Variants in CCDC191 observed in about 807,000 individuals in gnomAD.
CCDC191 encodes the protein coiled-coil domain containing 191, also known as coiled-coil domain-containing protein 191.
Under a neutral mutation model 114.0 loss-of-function variants are expected in CCDC191, and 99 were observed. The observed-to-expected ratio is 0.87, with a 90% CI of 0.74 to 1.03. CCDC191 has a LOEUF of 1.03. CCDC191 is among the 50% of genes least tolerant of loss of function. CCDC191 has a pLI of 0.00. For missense variants in CCDC191, 973 were observed against 1,087.0 expected (o/e 0.90, Z 1.47); for synonymous variants, 351 against 376.0 (o/e 0.93, Z 0.77).
chr3:114,004,820 C>G (rs1365993222), intron 10 of CCDC191, 74 bp from the exon 11 acceptor site: 1 of 1,510,126 alleles, frequency 6.6e-7, no homozygotes, highest in African/African-American at 1.4e-5. Flanking sequence ...CTGAGATGCT[C>G]AAAGCCTTTT....
rs1175070865 is a variant in CCDC191, at chr3:114,036,678, C to T, written c.524G>A (p.Gly175Glu). The T allele has an allele frequency of 3.7e-6, 6 of 1,604,556 alleles. No individual in the cohort carries two copies. In the Admixed American group the frequency reaches 6.7e-5, roughly 18 times the overall value. ...CTTCTTGTCTTGGTTTTCCTTCCTT[C>T]CAAGATCTTCCATCATTGCAGAATC... ...VVDSAMMEDL[G>E]RKENQDKKQQ... The change falls in exon 5 of 17, where the codon GGA (glycine) becomes GAA (glutamate). Residue 175 changes from glycine to glutamate, a missense_variant. Transcript: ENST00000295878.
chr3:114,015,099 C>T (rs1053756611), intron 8 of CCDC191, among the ~76,000 whole-genome samples: 1 of 152,214 alleles, frequency 6.6e-6, no homozygotes. Flanking sequence ...CCACAGTACC[C>T]TCAAATCTCT....
At chr3:114,005,093 C>G (rs886432562) in intron 10 of CCDC191, among the ~76,000 whole-genome samples, 7 of 152,164 alleles carry the variant, frequency 4.6e-5, no homozygotes, top group African/African-American at 1.4e-4. Context: ...TTATTTGAGG[C>G]TCAAAGATGT....
chr3:113,988,888 G>A (rs1021963206), intron 13 of CCDC191, among the ~76,000 whole-genome samples: 56 of 152,076 alleles, frequency 3.7e-4, no homozygotes, highest in Non-Finnish European at 6.5e-4. Flanking sequence ...CCGCCTCCCG[G>A]GTTCATGCCA....
rs751509341 is a variant in CCDC191 at position 114,042,582 on chromosome 3, T to TA, written c.415+120dup. On this transcript the variant is annotated intron_variant, in intron 4 of 16. Coordinates refer to ENST00000295878, the MANE Select transcript of CCDC191 (RefSeq NM_020817.2). ...AACCATGATAAATTAAAACCAATAA[T>TA]AAAAACTAAAAAAAACACAGAAAAC... is the stretch of plus-strand genomic sequence containing the variant. The TA allele has an allele frequency of 2.4e-4, 177 of 738,534 alleles. No individual in the cohort carries two copies. The African/African-American group carries it at 3.0e-3, about 13-fold the overall frequency. The allele number at this position is 738,534 out of a possible 1,614,324, so 45.7% of individuals were successfully genotyped here. A position where few individuals can be genotyped will look rare whatever the true frequency, so the allele number is the denominator to read the frequency against.
At chr3:114,025,065 G>C (rs1473046959) in intron 7 of CCDC191, among the ~76,000 whole-genome samples, 1 of 152,042 alleles carries the variant, frequency 6.6e-6, no homozygotes, top group African/African-American at 2.4e-5. Context: ...TCAGTTCCCA[G>C]AACACAGTGC....
intron 12 of CCDC191, 116 bp from the exon 13 acceptor site, chr3:114,001,812 G>C: frequency 7.8e-7 from 1 of 1,280,234 alleles, no homozygotes. Flanking sequence ...TCTGGAAGAA[G>C]TCTGCATTTT....
At chr3:114,022,071 T>G (rs923894540) in intron 7 of CCDC191, among the ~76,000 whole-genome samples, 1 of 152,156 alleles carries the variant, frequency 6.6e-6, no homozygotes, top group Non-Finnish European at 1.5e-5. Flanking sequence ...CTATAATAAT[T>G]TCTAAAATAA....
intron 13 of CCDC191, among the ~76,000 whole-genome samples, chr3:113,993,886 GA>G (rs965355304): frequency 8.8e-5 from 13 of 147,622 alleles, no homozygotes; most frequent in African/African-American, 2.7e-4. Flanking sequence ...CTGTCTCAGA[GA>G]AAAAAAAAGA....
At chr3:114,055,626 T>C in intron 1 of CCDC191, among the ~76,000 whole-genome samples, 1 of 152,272 alleles carries the variant, frequency 6.6e-6, no homozygotes, top group Non-Finnish European at 1.5e-5. Context: ...AGCTGAAAGC[T>C]GAGAAGCTTC....
chr3:113,978,229 C>T lies in CCDC191; in HGVS notation c.2563G>A (p.Asp855Asn), dbSNP rs765845553. The change falls in exon 16 of 17, where the codon GAT becomes AAT. Residue 855 changes from aspartate (D) to asparagine (N), a missense_variant. Physicochemically the swap from Asp to Asn is conservative, Grantham distance 23. Transcript: ENST00000295878. ...WFNMVREVKI[D>N]SQGKHEIAAE... ...GCAATCTCATGCTTGCCCTGAGAAT[C>T]GATCTTCACCTCCCTGACCATGTTA... is the stretch of plus-strand genomic sequence containing the variant. The T allele has an allele frequency of 2.1e-5, 34 of 1,613,904 alleles. No homozygotes were observed. Among genetic ancestry groups the T allele is most frequent in the East Asian group, 2.2e-5 (1 of 44,892 alleles).
intron 9 of CCDC191, among the ~76,000 whole-genome samples, chr3:114,008,545 G>A (rs1377646527): frequency 6.6e-6 from 1 of 151,912 alleles, no homozygotes; most frequent in African/African-American, 2.4e-5. Context: ...TTCTCCACAA[G>A]GTTTTCTAAA....
chr3:114,056,172 G>A (rs1251643549), intron 1 of CCDC191, among the ~76,000 whole-genome samples: 1 of 152,154 alleles, frequency 6.6e-6, no homozygotes, highest in Non-Finnish European at 1.5e-5. Flanking sequence ...CTTCCACGAT[G>A]CTGCCCACCA....
chr3:114,026,011 A>G (rs982797154), intron 7 of CCDC191, among the ~76,000 whole-genome samples: 3 of 152,210 alleles, frequency 2.0e-5, no homozygotes, highest in Non-Finnish European at 4.4e-5. Flanking sequence ...TAGGGGGGAA[A>G]TATTCTACTC....
chr3:114,007,579 G>C (rs1049761275), intron 9 of CCDC191, among the ~76,000 whole-genome samples: 4 of 152,148 alleles, frequency 2.6e-5, no homozygotes, highest in Admixed American at 2.6e-4. Context: ...AACCTAGCAA[G>C]ACTGTGTCAA....
chr3:114,056,586 C>G, upstream of CCDC191: 1 of 1,591,918 alleles, frequency 6.3e-7, no homozygotes, highest in Non-Finnish European at 8.5e-7. Flanking sequence ...AGGCATAGGA[C>G]ACCGTCGAAC....
intron 9 of CCDC191, among the ~76,000 whole-genome samples, chr3:114,006,317 T>C (rs2075958636): frequency 6.6e-6 from 1 of 151,792 alleles, no homozygotes; most frequent in African/African-American, 2.4e-5. Flanking sequence ...GGCATGGTGG[T>C]ACGCACCTGT....
At chr3:114,048,613 C>T (rs1458913182) in intron 2 of CCDC191, among the ~76,000 whole-genome samples, 1 of 152,218 alleles carries the variant, frequency 6.6e-6, no homozygotes, top group Non-Finnish European at 1.5e-5. Flanking sequence ...ATCCTTCCCT[C>T]ACCTCCTGAA....
chr3:114,048,021 T>A (rs1400488975), intron 2 of CCDC191, among the ~76,000 whole-genome samples: 3 of 152,078 alleles, frequency 2.0e-5, no homozygotes, highest in Non-Finnish European at 4.4e-5. Context: ...AACCCCTAAC[T>A]TCCCCCTCCC....
Sources: allele counts gnomAD v4.1 joint callset (sites outside exome capture counted in the v4.1 genomes callset), GRCh38; gene constraint gnomAD v4.1.1; transcripts MANE v1.5; gene names NCBI Gene and HGNC (gene_info 2026-07-23, HGNC 2026-07-21).